TTBK2: variants seen among roughly 807,000 people sequenced by gnomAD.
TTBK2 encodes the protein tau-tubulin kinase 2.
In TTBK2, 28 loss-of-function variants were observed where a neutral mutation model predicts 110.8. The observed-to-expected ratio is 0.25, with a 90% CI of 0.19 to 0.35. The LOEUF (loss-of-function observed/expected upper bound fraction) is 0.35. Among genes scored for constraint, TTBK2 ranks in the 10% least tolerant of loss-of-function variants. TTBK2 has a pLI of 1.00. For synonymous variants in TTBK2, 532 were observed against 527.3 expected, an observed-to-expected ratio of 1.01 and a Z score of -0.12; for missense variants, 1,369 against 1,500.3, an observed-to-expected ratio of 0.91 and a Z score of 1.45.
At chr15:42,748,216 G>T (rs958168468) in intron 14 of TTBK2, among the ~76,000 whole-genome samples, 1 of 152,222 alleles carries the variant, frequency 6.6e-6, no homozygotes, top group East Asian at 1.9e-4. Context: ...CAGCACTTTG[G>T]GGGGTTGAGG....
chr15:42,862,985 A>G (rs1303992245), intron 3 of TTBK2, among the ~76,000 whole-genome samples: 1 of 152,148 alleles, frequency 6.6e-6, no homozygotes, highest in Non-Finnish European at 1.5e-5. Context: ...AGCTAGAATC[A>G]TTTCCCATGA....
chr15:42,869,578 T>G (rs1180246221), intron 3 of TTBK2, among the ~76,000 whole-genome samples: 1 of 152,110 alleles, frequency 6.6e-6, no homozygotes, highest in Non-Finnish European at 1.5e-5. Flanking sequence ...TCTAACAGAT[T>G]AGAATGGCAA....
chr15:42,882,694 G>A (rs956335905), intron 1 of TTBK2, among the ~76,000 whole-genome samples: 8 of 151,810 alleles, frequency 5.3e-5, no homozygotes, highest in Admixed American at 2.0e-4. Context: ...GACTGACTGC[G>A]GATTTCTCAT....
intron 3 of TTBK2, among the ~76,000 whole-genome samples, chr15:42,850,398 G>A (rs1893650215): frequency 6.6e-6 from 1 of 152,086 alleles, no homozygotes; most frequent in Non-Finnish European, 1.5e-5. Flanking sequence ...ACCCACTGCT[G>A]GTTCAATGGT....
At chr15:42,864,627 C>T (rs1894292081) in intron 3 of TTBK2, among the ~76,000 whole-genome samples, 1 of 151,924 alleles carries the variant, frequency 6.6e-6, no homozygotes, top group African/African-American at 2.4e-5. Context: ...AACTCACCAA[C>T]ATAGATTCTG....
chr15:42,766,893 C>T (rs1467141581), intron 13 of TTBK2, among the ~76,000 whole-genome samples: 1 of 152,180 alleles, frequency 6.6e-6, no homozygotes, highest in Non-Finnish European at 1.5e-5. Context: ...GTAGAGCACT[C>T]CTCAGCAAAT....
At chr15:42,889,696 T>C (rs149853664) in intron 1 of TTBK2, among the ~76,000 whole-genome samples, 17 of 152,234 alleles carry the variant, frequency 1.1e-4, no homozygotes, top group African/African-American at 4.1e-4. Flanking sequence ...GTTTCTCAAT[T>C]GATACAAAAC....
At chr15:42,818,194 G>C (rs1277386464) in intron 6 of TTBK2, among the ~76,000 whole-genome samples, 1 of 152,134 alleles carries the variant, frequency 6.6e-6, no homozygotes, top group African/African-American at 2.4e-5. Flanking sequence ...TCCTGCCTCA[G>C]CCTCCCAAGT....
At chr15:42,820,891 C>T (rs1892262905) in intron 6 of TTBK2, among the ~76,000 whole-genome samples, 1 of 151,958 alleles carries the variant, frequency 6.6e-6, no homozygotes, top group Admixed American at 6.6e-5. Flanking sequence ...ACACCTATAG[C>T]CCCAGCTACC....
At chr15:42,880,892 T>A (rs1313552012) in intron 1 of TTBK2, among the ~76,000 whole-genome samples, 1 of 151,918 alleles carries the variant, frequency 6.6e-6, no homozygotes, top group Non-Finnish European at 1.5e-5. Context: ...CTGCAATCTG[T>A]TCCCCAAAAA....
rs2061749796 is a variant in TTBK2 at position 42,741,324 on chromosome 15, G to T, written c.*4471C>A. On this transcript the variant is annotated 3_prime_UTR_variant, in exon 15 of 15. Coordinates refer to ENST00000267890, the MANE Select transcript of TTBK2 (RefSeq NM_173500.4). ...AACTGCCTTTAGTTCTCTAAGTAAA[G>T]GTCTAAAAATGCACCTGTGGTTTCT... The T allele has an allele frequency of 6.6e-6, 1 of 152,172 alleles. No homozygotes were observed. Among genetic ancestry groups the T allele is most frequent in the Admixed American group, 6.5e-5 (1 of 15,272 alleles). 9.4% of individuals were successfully genotyped at this position (152,172 alleles called of 1,614,324 possible).
chr15:42,827,309 G>A (rs1892575451), intron 6 of TTBK2, among the ~76,000 whole-genome samples: 1 of 152,072 alleles, frequency 6.6e-6, no homozygotes, highest in South Asian at 2.1e-4. Context: ...GCCCTAGAAG[G>A]GGGAGACCAG....
rs753287119 is a variant in TTBK2, at chr15:42,840,403, C to G, written c.248G>C (p.Cys83Ser). 6.2e-7 allele frequency: 1 copy of G among 1,613,874 alleles called. No homozygotes were observed. The highest frequency in any genetic ancestry group is 1.7e-5 in the Admixed American group (1 of 60,008). ...ATAGTTGAATCGATCATTCCTCCCA[C>G]AGCCAATAAATCTACAAACATGGTC... ...GKDHVCRFIG[C>S]GRNDRFNYVV... Residue 83 changes from cysteine to serine, a missense_variant, in exon 4 of 15, where the codon TGT becomes TCT. By Grantham distance (112) the Cys-to-Ser change is moderately radical (BLOSUM62 -1). Transcript: ENST00000267890.
intron 9 of TTBK2, among the ~76,000 whole-genome samples, chr15:42,799,594 A>G (rs1891091763): frequency 6.6e-6 from 1 of 151,946 alleles, no homozygotes. Context: ...CACCACGCCC[A>G]GCTAAATTTT....
At position 42,740,583 on chromosome 15, in the gene TTBK2, C is replaced by G. The variant is rs1022050905; in HGVS notation, c.*5212G>C. 2 of 132,758 alleles carry G rather than the reference C, an allele frequency of 1.5e-5. No individual in the cohort carries two copies. The highest frequency in any genetic ancestry group is 5.7e-5 in the African/African-American group (2 of 35,036). 8.2% of individuals were successfully genotyped at this position (132,758 alleles called of 1,614,324 possible). On this transcript the variant is annotated 3_prime_UTR_variant, in exon 15 of 15. Coordinates refer to ENST00000267890, the MANE Select transcript of TTBK2 (RefSeq NM_173500.4). Reference sequence around the variant, plus strand: ...TTTTTTTTTTTTTTTGAGACGGAGTCTCACTCTGTCGCCCAGGCTGGAGTG... The same window carrying G: ...TTTTTTTTTTTTTTTGAGACGGAGTGTCACTCTGTCGCCCAGGCTGGAGTG...
chr15:42,751,315 G>A (rs559764913), intron 14 of TTBK2, among the ~76,000 whole-genome samples: 11 of 152,188 alleles, frequency 7.2e-5, no homozygotes, highest in Non-Finnish European at 1.3e-4. Context: ...AGACTGAAAG[G>A]AGCAGTTTCT....
chr15:42,801,262 C>A, intron 9 of TTBK2: 1 of 1,544,216 alleles, frequency 6.5e-7, no homozygotes, highest in South Asian at 1.2e-5. Flanking sequence ...ATCTTGATAT[C>A]CAGGGCCAGC....
At chr15:42,891,744 C>T (rs1431328883) in intron 1 of TTBK2, among the ~76,000 whole-genome samples, 1 of 152,104 alleles carries the variant, frequency 6.6e-6, no homozygotes, top group African/African-American at 2.4e-5. Flanking sequence ...CTTTCATGAA[C>T]TCTGTGAGTC....
At chr15:42,811,651 C>T in intron 8 of TTBK2, 37 bp downstream of exon 8, 1 of 1,559,908 alleles carries the variant, frequency 6.4e-7, no homozygotes, top group Non-Finnish European at 8.8e-7. Flanking sequence ...ATTTTTATTT[C>T]TTCTACCACA....
Sources: allele counts gnomAD v4.1 joint callset (sites outside exome capture counted in the v4.1 genomes callset), GRCh38; gene constraint gnomAD v4.1.1; transcripts MANE v1.5; gene names NCBI Gene and HGNC (gene_info 2026-07-23, HGNC 2026-07-21).